Variants in B3GLCT observed in about 807,000 individuals in gnomAD.
The protein encoded by B3GLCT is beta 3-glucosyltransferase.
Under a neutral mutation model 63.4 loss-of-function variants are expected in B3GLCT, and 65 were observed. That is an observed-to-expected ratio of 1.03 (90% CI 0.84 to 1.26). The LOEUF (loss-of-function observed/expected upper bound fraction) is 1.26. B3GLCT is among the 50% of genes most tolerant of loss of function. The pLI is 0.00. For missense variants in B3GLCT, 577 were observed against 604.8 expected (o/e 0.95, Z 0.48); for synonymous variants, 233 against 219.2 (o/e 1.06, Z -0.55).
intron 7 of B3GLCT, among the ~76,000 whole-genome samples, chr13:31,261,506 A>G (rs1172802283): frequency 6.6e-6 from 1 of 152,184 alleles, no homozygotes; most frequent in Non-Finnish European, 1.5e-5. Flanking sequence ...GGGTATGCAT[A>G]CTTAAACACT....
At chr13:31,318,310 A>G (rs1875158206) in intron 13 of B3GLCT, among the ~76,000 whole-genome samples, 1 of 152,112 alleles carries the variant, frequency 6.6e-6, no homozygotes, top group Non-Finnish European at 1.5e-5. Flanking sequence ...TTCACTCAGT[A>G]GATATTTGTT....
At chr13:31,255,765 G>A (rs568637471) in intron 6 of B3GLCT, among the ~76,000 whole-genome samples, 1 of 152,206 alleles carries the variant, frequency 6.6e-6, no homozygotes, top group South Asian at 2.1e-4. Flanking sequence ...GCTGAAACTG[G>A]ATCCCTTTCT....
chr13:31,252,062 G>A (rs1566063423), intron 6 of B3GLCT, among the ~76,000 whole-genome samples: 1 of 152,136 alleles, frequency 6.6e-6, no homozygotes, highest in South Asian at 2.1e-4. Context: ...GTGCCAATAT[G>A]CAGCATTCTT....
At chr13:31,313,823 C>T (rs1328556638) in intron 12 of B3GLCT, among the ~76,000 whole-genome samples, 2 of 152,198 alleles carry the variant, frequency 1.3e-5, no homozygotes, top group Admixed American at 1.3e-4. Flanking sequence ...CCCTGCTCCC[C>T]TACCTCCGCA....
chr13:31,281,167 T>C (rs768869067), intron 10 of B3GLCT, among the ~76,000 whole-genome samples: 9 of 152,298 alleles, frequency 5.9e-5, no homozygotes, highest in Non-Finnish European at 1.0e-4. Context: ...TGGGATGCTC[T>C]CCTGCAGTCT....
At chr13:31,249,062 C>T (rs950292996) in intron 6 of B3GLCT, among the ~76,000 whole-genome samples, 1 of 152,152 alleles carries the variant, frequency 6.6e-6, no homozygotes, top group Non-Finnish European at 1.5e-5. Flanking sequence ...CACCCACCTT[C>T]GAATGCTCGC....
At chr13:31,323,184 AT>A (rs1875416634) in intron 13 of B3GLCT, among the ~76,000 whole-genome samples, 2 of 152,126 alleles carry the variant, frequency 1.3e-5, no homozygotes. Context: ...AGTATTTTTG[AT>A]TCAGGGATTC....
intron 6 of B3GLCT, among the ~76,000 whole-genome samples, chr13:31,253,899 A>G (rs532579530): frequency 1.3e-5 from 2 of 152,332 alleles, no homozygotes; most frequent in South Asian, 4.1e-4. Flanking sequence ...AGAGAATACT[A>G]TAAACAACTC....
chr13:31,327,285 G>A (rs1875678248), intron 14 of B3GLCT, among the ~76,000 whole-genome samples: 1 of 152,156 alleles, frequency 6.6e-6, no homozygotes, highest in Non-Finnish European at 1.5e-5. Flanking sequence ...TAAAATAAGG[G>A]TTCCTTGAAC....
At chr13:31,293,344 CCTG>C (rs1444058900) in intron 12 of B3GLCT, among the ~76,000 whole-genome samples, 3 of 152,074 alleles carry the variant, frequency 2.0e-5, no homozygotes, top group Non-Finnish European at 4.4e-5. Flanking sequence ...GAGTTCAAGT[CCTG>C]AATATCCTTG....
chr13:31,262,342 G>A (rs924471001), intron 7 of B3GLCT, among the ~76,000 whole-genome samples: 2 of 152,200 alleles, frequency 1.3e-5, no homozygotes, highest in African/African-American at 4.8e-5. Context: ...TTCGACTCAC[G>A]CACTCAGTCC....
chr13:31,321,394 T>C (rs977427837), intron 13 of B3GLCT, among the ~76,000 whole-genome samples: 1 of 152,232 alleles, frequency 6.6e-6, no homozygotes, highest in Non-Finnish European at 1.5e-5. Flanking sequence ...CAGTGGCTTG[T>C]AAAACCAATT....
chr13:31,279,083 T>C (rs1188080216), intron 10 of B3GLCT, among the ~76,000 whole-genome samples: 1 of 152,208 alleles, frequency 6.6e-6, no homozygotes, highest in Non-Finnish European at 1.5e-5. Flanking sequence ...GCTATTCATG[T>C]TGATGTCCTG....
intron 12 of B3GLCT, 138 bp from the exon 13 acceptor site, chr13:31,317,428 A>T: frequency 1.0e-6 from 1 of 979,778 alleles, no homozygotes. Flanking sequence ...TTTATTTTAT[A>T]AGTCACTCAA....
chr13:31,306,492 C>A (rs1208183257), intron 12 of B3GLCT, among the ~76,000 whole-genome samples: 1 of 106,482 alleles, frequency 9.4e-6, no homozygotes, highest in African/African-American at 3.9e-5. Flanking sequence ...TCTCAGGATA[C>A]AAAATCAATG....
chr13:31,282,546 G>A (rs376009820), intron 10 of B3GLCT, among the ~76,000 whole-genome samples: 1 of 151,752 alleles, frequency 6.6e-6, no homozygotes, highest in Admixed American at 6.6e-5. Flanking sequence ...GGAGGCTGAA[G>A]CAGGAGCATG....
chr13:31,258,769 A>G (rs889032951), intron 6 of B3GLCT, among the ~76,000 whole-genome samples: 4 of 151,924 alleles, frequency 2.6e-5, no homozygotes, highest in Admixed American at 6.6e-5. Flanking sequence ...CCTATGTGTG[A>G]TTTTCTTTGT....
chr13:31,319,398 C>A (rs1164982967), intron 13 of B3GLCT, among the ~76,000 whole-genome samples: 4 of 152,218 alleles, frequency 2.6e-5, no homozygotes, highest in Non-Finnish European at 5.9e-5. Flanking sequence ...TCATAAACTC[C>A]CAGCCTCCTA....
intron 2 of B3GLCT, among the ~76,000 whole-genome samples, chr13:31,219,600 G>A (rs936124107): frequency 6.6e-6 from 1 of 152,186 alleles, no homozygotes; most frequent in African/African-American, 2.4e-5. Context: ...CTAGCCAGTT[G>A]TGGGGCTTAG....
Sources: gnomAD v4.1 joint callset for allele counts (sites outside exome capture counted in the v4.1 genomes callset) on GRCh38, gnomAD v4.1.1 for gene constraint, MANE v1.5 for transcripts, NCBI Gene and HGNC (gene_info 2026-07-23, HGNC 2026-07-21) for gene names.